NEURL1: variants seen among roughly 807,000 people sequenced by gnomAD.
The protein encoded by NEURL1 is E3 ubiquitin-protein ligase NEURL1.
NEURL1 carries 26 observed loss-of-function variants against 41.2 expected under a neutral mutation model. The ratio of observed to expected loss-of-function variants is 0.63; its 90% CI spans 0.46 to 0.87. The LOEUF (loss-of-function observed/expected upper bound fraction) is 0.87. Among genes scored for constraint, NEURL1 ranks in the 40% least tolerant of loss-of-function variants. The pLI, the probability that NEURL1 is intolerant of heterozygous loss-of-function variation, is 0.00. For synonymous variants in NEURL1, 400 were observed against 402.3 expected (o/e 0.99, Z 0.07); for missense variants, 761 against 871.1 (o/e 0.87, Z 1.59).
chr10:103,496,502 G>T (rs1350301937), intron 1 of NEURL1, among the ~76,000 whole-genome samples: 1 of 152,158 alleles, frequency 6.6e-6, no homozygotes, highest in African/African-American at 2.4e-5. Context: ...TTTCCTCTGG[G>T]TATAGGATCA....
chr10:103,503,599 G>A (rs1377603411), intron 1 of NEURL1, among the ~76,000 whole-genome samples: 1 of 152,150 alleles, frequency 6.6e-6, no homozygotes, highest in East Asian at 1.9e-4. Context: ...AGGGCCATCA[G>A]CCGTGGGCTA....
intron 1 of NEURL1, among the ~76,000 whole-genome samples, chr10:103,527,571 A>C (rs894618069): frequency 6.6e-6 from 1 of 152,070 alleles, no homozygotes; most frequent in South Asian, 2.1e-4. Flanking sequence ...CTGGGATTAC[A>C]GGCATGAGTC....
chr10:103,566,498 T>C lies in NEURL1; in HGVS notation c.86-4374T>C, dbSNP rs1234420962. 1.3e-5 allele frequency among the ~76,000 whole-genome samples: 2 copies of C among 152,232 alleles called. No homozygotes were observed. ...TGCATCTGGCTTCTTTCACATAGCA[T>C]ACTTTTGAGAGCCATTTTTTTAGTG... On this transcript the variant is annotated intron_variant, in intron 1 of 5. Coordinates refer to ENST00000369780, the MANE Select transcript of NEURL1 (RefSeq NM_004210.5). This position sits in a 1 kb window ranked among gnomAD's most constrained non-coding sequence, Gnocchi z 4.2.
chr10:103,540,129 A>G (rs6584557), intron 1 of NEURL1, among the ~76,000 whole-genome samples: 39,902 of 152,176 alleles, frequency 0.26, 6,894 homozygotes, highest in African/African-American at 0.49. Flanking sequence ...TTTTATTACT[A>G]GCAACCAAAT....
intron 1 of NEURL1, among the ~76,000 whole-genome samples, chr10:103,533,599 C>T (rs548853245): frequency 1.7e-3 from 258 of 150,506 alleles, no homozygotes; most frequent in Non-Finnish European, 2.2e-3. Flanking sequence ...TGCAGTGGCG[C>T]GATCTTGGCT....
At chr10:103,518,233 T>A (rs1056020831) in intron 1 of NEURL1, among the ~76,000 whole-genome samples, 2 of 151,246 alleles carry the variant, frequency 1.3e-5, no homozygotes, top group African/African-American at 2.4e-5. Context: ...TACCATGATT[T>A]AAAAAAAAAG....
At chr10:103,520,154 C>CT (rs2034313838) in intron 1 of NEURL1, among the ~76,000 whole-genome samples, 1 of 151,996 alleles carries the variant, frequency 6.6e-6, no homozygotes, top group African/African-American at 2.4e-5. Flanking sequence ...TAGGAAAATC[C>CT]AAGAACATAT....
At chr10:103,574,884 C>T (rs574122910) in intron 3 of NEURL1, among the ~76,000 whole-genome samples, 141 of 152,284 alleles carry the variant, frequency 9.3e-4, no homozygotes, top group Non-Finnish European at 1.5e-3. Flanking sequence ...CAGCGGATTC[C>T]GTCCCAGCCG....
At chr10:103,506,809 C>T (rs1305684566) in intron 1 of NEURL1, among the ~76,000 whole-genome samples, 1 of 152,222 alleles carries the variant, frequency 6.6e-6, no homozygotes, top group Non-Finnish European at 1.5e-5. Flanking sequence ...ATCTGCCTGC[C>T]TCGGCCTCCC....
intron 1 of NEURL1, among the ~76,000 whole-genome samples, chr10:103,515,793 T>C (rs1487366397): frequency 6.6e-6 from 1 of 152,198 alleles, no homozygotes; most frequent in East Asian, 1.9e-4. Flanking sequence ...TCGTGCTGGC[T>C]ACCCTGTGGA....
chr10:103,555,315 G>C, intron 1 of NEURL1: 1 of 1,278,158 alleles, frequency 7.8e-7, no homozygotes, highest in South Asian at 1.3e-5. Flanking sequence ...GGAGCAGCCG[G>C]CCGGGGCGAC....
rs1341311321 is a variant in NEURL1 at position 103,590,192 on chromosome 10, C to A, written c.1545C>A (p.Gly515=). The A allele has an allele frequency of 3.7e-6, 6 of 1,614,070 alleles. No homozygotes were observed. Among genetic ancestry groups the A allele is most frequent in the Non-Finnish European group, 5.1e-6 (6 of 1,180,056 alleles). Residue 515 remains glycine (G), a synonymous_variant, in exon 6 of 6, where the codon GGC becomes GGA. Transcript: ENST00000369780. ...LPESPVTPGL[G]QWSDECTICY... Reference sequence around the variant, plus strand: ...AGTCGCCAGTGACCCCAGGTCTGGGCCAGTGGAGCGATGAGTGCACCATTT... The same window carrying A: ...AGTCGCCAGTGACCCCAGGTCTGGGACAGTGGAGCGATGAGTGCACCATTT...
chr10:103,521,776 A>T (rs907615091), intron 1 of NEURL1, among the ~76,000 whole-genome samples: 5 of 152,040 alleles, frequency 3.3e-5, no homozygotes, highest in Admixed American at 3.3e-4. Context: ...GAAGGAGAAA[A>T]ACTGGCCATA....
intron 3 of NEURL1, among the ~76,000 whole-genome samples, chr10:103,572,605 A>G (rs1461122620): frequency 6.6e-6 from 1 of 152,156 alleles, no homozygotes; most frequent in Non-Finnish European, 1.5e-5. Flanking sequence ...AGGACAGGAG[A>G]ATCTCCGACT....
chr10:103,552,057 G>A (rs11593191), intron 1 of NEURL1, among the ~76,000 whole-genome samples: 26,328 of 147,838 alleles, frequency 0.18, 2,506 homozygotes, highest in South Asian at 0.31. Flanking sequence ...TGCCTGCTCC[G>A]GGCAGGGGCA....
At chr10:103,542,272 G>GT (rs1304402326) in intron 1 of NEURL1, among the ~76,000 whole-genome samples, 2 of 152,000 alleles carry the variant, frequency 1.3e-5, no homozygotes, top group African/African-American at 4.8e-5. Flanking sequence ...TTTGTTTTTG[G>GT]TTTTTTTGAG....
chr10:103,494,089 GC>G lies in NEURL1; in HGVS notation c.-295del. 1 of 276,434 alleles carries G rather than the reference GC, an allele frequency of 3.6e-6. No individual in the cohort carries two copies. Among genetic ancestry groups the G allele is most frequent in the Non-Finnish European group, 6.7e-6 (1 of 148,410 alleles). 17.1% of individuals were successfully genotyped at this position (276,434 alleles called of 1,614,324 possible). ...TAGCGTCCCGGGGAGCAAGCGGGGA[GC>G]CCCGGGCGTCCCCGGCCCCGGCCCA... On this transcript the variant is annotated 5_prime_UTR_variant, in exon 1 of 6. It removes the in-frame stop codon of an upstream open reading frame in the 5' UTR. Coordinates refer to ENST00000369780, the MANE Select transcript of NEURL1 (RefSeq NM_004210.5).
intron 1 of NEURL1, among the ~76,000 whole-genome samples, chr10:103,551,297 ATTTTTTTT>A (rs528332099): frequency 2.5e-5 from 3 of 118,722 alleles, no homozygotes; most frequent in Admixed American, 9.1e-5. Context: ...GGTCAAATGA[ATTTTTTTT>A]TTTTTTTTTT....
At chr10:103,511,259 G>A (rs2034062658) in intron 1 of NEURL1, among the ~76,000 whole-genome samples, 1 of 151,052 alleles carries the variant, frequency 6.6e-6, no homozygotes, top group Non-Finnish European at 1.5e-5. Context: ...CTGTCCCAGG[G>A]ACACAGGGGG....
Sources: allele counts gnomAD v4.1 joint callset (sites outside exome capture counted in the v4.1 genomes callset), GRCh38; gene constraint gnomAD v4.1.1; non-coding constraint Gnocchi (gnomAD v3.1); transcripts MANE v1.5; gene names NCBI Gene and HGNC (gene_info 2026-07-23, HGNC 2026-07-21).